ACSBG1: variants seen among roughly 807,000 people sequenced by gnomAD.
The protein encoded by ACSBG1 is acyl-CoA synthetase bubblegum family member 1.
ACSBG1 carries 39 observed loss-of-function variants against 80.2 expected under a neutral mutation model. That is an observed-to-expected ratio of 0.49 (90% confidence interval 0.38 to 0.64). The LOEUF (loss-of-function observed/expected upper bound fraction) is 0.64, where lower values mean the gene tolerates loss of function less well. Among genes scored for constraint, ACSBG1 ranks in the 30% least tolerant of loss-of-function variants. The pLI is 0.00. For synonymous variants in ACSBG1, 392 were observed against 379.5 expected, an observed-to-expected ratio of 1.03 and a Z score of -0.38; for missense variants, 828 against 966.4, an observed-to-expected ratio of 0.86 and a Z score of 1.90.
chr15:78,206,055 G>C (rs1381494458), intron 2 of ACSBG1, among the ~76,000 whole-genome samples: 1 of 152,214 alleles, frequency 6.6e-6, no homozygotes, highest in Non-Finnish European at 1.5e-5. Context: ...TGCAGGACAG[G>C]GTGCTGGGCA....
At chr15:78,176,752 C>T (rs2074886659) in intron 11 of ACSBG1, among the ~76,000 whole-genome samples, 1 of 151,998 alleles carries the variant, frequency 6.6e-6, no homozygotes, top group African/African-American at 2.4e-5. Flanking sequence ...TGGCAAAACC[C>T]TGTCTCTACA....
chr15:78,193,177 G>A (rs897212677), intron 5 of ACSBG1, among the ~76,000 whole-genome samples: 2 of 152,096 alleles, frequency 1.3e-5, no homozygotes, highest in African/African-American at 4.8e-5. Context: ...CCCTTCCACT[G>A]CCAGAGGACC....
At chr15:78,195,623 G>A (rs566823824) in intron 2 of ACSBG1, among the ~76,000 whole-genome samples, 1 of 152,290 alleles carries the variant, frequency 6.6e-6, no homozygotes, top group East Asian at 1.9e-4. Context: ...GAGAAAGGGT[G>A]TATATGAAGA....
rs181621589 is a variant in ACSBG1, at chr15:78,214,366, G to C, written c.132-6264C>G. Among the ~76,000 whole-genome samples, 11 of 152,280 alleles carry C rather than the reference G, an allele frequency of 7.2e-5. No homozygotes were observed. The East Asian group carries it at 1.9e-3, about 27-fold the overall frequency. ...TCCCAAATTCCAAATTGCCTCTGGC[G>C]TGAGTGAGGTTTGGATGAGGTGAAA... On this transcript the variant is annotated intron_variant, in intron 1 of 13. Coordinates refer to ENST00000258873, the MANE Select transcript of ACSBG1 (RefSeq NM_015162.5).
At chr15:78,189,067 A>G (rs1374402402) in intron 5 of ACSBG1, among the ~76,000 whole-genome samples, 2 of 152,038 alleles carry the variant, frequency 1.3e-5, no homozygotes, top group Non-Finnish European at 2.9e-5. Flanking sequence ...AACACATGAA[A>G]AAATGCTCAC....
chr15:78,208,985 A>G (rs1456073758), intron 1 of ACSBG1, among the ~76,000 whole-genome samples: 2 of 152,250 alleles, frequency 1.3e-5, no homozygotes, highest in African/African-American at 2.4e-5. Context: ...ACAGTCAACA[A>G]CTACGTAAAC....
Position 78,194,732 on chromosome 15 carries a change from G to T in ACSBG1, c.233-6C>A. 6.2e-7 allele frequency: 1 copy of T among 1,610,814 alleles called. No individual in the cohort carries two copies. Among genetic ancestry groups the T allele is most frequent in the Non-Finnish European group, 8.5e-7 (1 of 1,179,572 alleles). On this transcript the variant is annotated splice_polypyrimidine_tract_variant and splice_region_variant and intron_variant, in intron 2 of 13. Transcript: ENST00000258873. ...AGTCGTCCACAGCGCCTCCTCTGTG[G>T]GGTGGGGGAGACCACAGCTTGGATC...
intron 5 of ACSBG1, among the ~76,000 whole-genome samples, chr15:78,190,720 G>T (rs781209054): frequency 3.3e-5 from 5 of 152,056 alleles, no homozygotes; most frequent in Non-Finnish European, 5.9e-5. Flanking sequence ...ACTGTTGTAT[G>T]GTTCCACATT....
At chr15:78,192,875 C>T (rs957981983) in intron 5 of ACSBG1, among the ~76,000 whole-genome samples, 1 of 152,176 alleles carries the variant, frequency 6.6e-6, no homozygotes, top group African/African-American at 2.4e-5. Context: ...GCCTTAAAGG[C>T]TGTTGGGTTC....
At chr15:78,197,577 G>C (rs941313486) in intron 2 of ACSBG1, among the ~76,000 whole-genome samples, 2 of 151,758 alleles carry the variant, frequency 1.3e-5, no homozygotes, top group South Asian at 2.1e-4. Flanking sequence ...AAATTTGCTG[G>C]TGGTGGTGGT....
intron 5 of ACSBG1, among the ~76,000 whole-genome samples, chr15:78,192,559 G>A (rs1318465519): frequency 1.3e-5 from 2 of 152,164 alleles, no homozygotes; most frequent in Non-Finnish European, 2.9e-5. Context: ...CTGCCTCAAG[G>A]GTCTGGGCTG....
At chr15:78,229,904 C>T (rs1447988332) in intron 1 of ACSBG1, among the ~76,000 whole-genome samples, 2 of 152,180 alleles carry the variant, frequency 1.3e-5, no homozygotes, top group African/African-American at 4.8e-5. Context: ...TTAGCCGGTC[C>T]CCAACCTGAC....
At chr15:78,182,166 T>G in intron 7 of ACSBG1, 21 bp from the exon 8 acceptor site, 2 of 1,601,800 alleles carry the variant, frequency 1.2e-6, no homozygotes, top group Non-Finnish European at 1.7e-6. Context: ...AGTAGATGGA[T>G]CCCAGCAGTG....
chr15:78,199,035 TG>T (rs2075141973), intron 2 of ACSBG1, among the ~76,000 whole-genome samples: 1 of 152,204 alleles, frequency 6.6e-6, no homozygotes, highest in Non-Finnish European at 1.5e-5. Flanking sequence ...ACATGGCCCT[TG>T]GAGTCCACCT....
At position 78,225,455 on chromosome 15, in the gene ACSBG1, T is replaced by C. The variant is rs191312465; in HGVS notation, c.131+8916A>G. Among the ~76,000 whole-genome samples the C allele has an allele frequency of 7.9e-5, 12 of 151,258 alleles. No individual in the cohort carries two copies. The East Asian group carries it at 1.7e-3, about 22-fold the overall frequency. On this transcript the variant is annotated intron_variant, in intron 1 of 13. Transcript: ENST00000258873. ...AATAAAAATAAATTAAAAAATAAAATAAATTACAGTTTTCATAGCAACAAA... is the reference window on the plus strand; with the variant it reads ...AATAAAAATAAATTAAAAAATAAAACAAATTACAGTTTTCATAGCAACAAA...
intron 2 of ACSBG1, among the ~76,000 whole-genome samples, chr15:78,200,913 G>A (rs2075161832): frequency 6.6e-6 from 1 of 152,234 alleles, no homozygotes; most frequent in African/African-American, 2.4e-5. Context: ...CAAGGGGCTC[G>A]CTTACCTTTC....
At chr15:78,231,284 CTAAT>C (rs1340940679) in intron 1 of ACSBG1, among the ~76,000 whole-genome samples, 2 of 105,388 alleles carry the variant, frequency 1.9e-5, no homozygotes, top group Admixed American at 1.8e-4. Context: ...CCACGCCTGG[CTAAT>C]TTTTTTTTTT....
At chr15:78,205,898 G>A (rs1255931305) in intron 2 of ACSBG1, among the ~76,000 whole-genome samples, 1 of 152,152 alleles carries the variant, frequency 6.6e-6, no homozygotes, top group Non-Finnish European at 1.5e-5. Context: ...TAGAGCCCAG[G>A]GCTCCCAAGC....
intron 10 of ACSBG1, among the ~76,000 whole-genome samples, chr15:78,179,137 C>T (rs573663106): frequency 6.6e-6 from 1 of 152,272 alleles, no homozygotes; most frequent in East Asian, 1.9e-4. Flanking sequence ...CCAGAACTGA[C>T]CGCCCTCACC....
Sources: allele counts gnomAD v4.1 joint callset (sites outside exome capture counted in the v4.1 genomes callset), GRCh38; gene constraint gnomAD v4.1.1; transcripts MANE v1.5; gene names NCBI Gene and HGNC (gene_info 2026-07-23, HGNC 2026-07-21).